The following TBC1D5 variants were observed in gnomAD, a reference collection of about 807,000 sequenced individuals.
TBC1D5 encodes the protein TBC1 domain family, member 5.
A neutral mutation model predicts 100.3 loss-of-function variants in TBC1D5; 75 were observed. The observed-to-expected ratio is 0.75, with a 90% CI of 0.62 to 0.91. The LOEUF (loss-of-function observed/expected upper bound fraction) is 0.91. Among genes scored for constraint, TBC1D5 ranks in the 40% least tolerant of loss-of-function variants. The pLI, the probability that TBC1D5 is intolerant of heterozygous loss-of-function variation, is 0.00. For synonymous variants in TBC1D5, 323 were observed against 325.6 expected (o/e 0.99, Z 0.09); for missense variants, 910 against 942.4 (o/e 0.97, Z 0.45).
intron 18 of TBC1D5, among the ~76,000 whole-genome samples, chr3:17,205,991 T>A (rs547983836): frequency 1.3e-5 from 2 of 152,146 alleles, no homozygotes; most frequent in Non-Finnish European, 2.9e-5. Flanking sequence ...TTCTCTTATT[T>A]TTACCCAAAG....
At chr3:17,313,866 T>C (rs1472628822) in intron 13 of TBC1D5, among the ~76,000 whole-genome samples, 1 of 152,222 alleles carries the variant, frequency 6.6e-6, no homozygotes, top group Non-Finnish European at 1.5e-5. Context: ...TGGGTACCTA[T>C]TAAGAGAGTC....
At chr3:17,429,680 T>C (rs1274450445) in intron 3 of TBC1D5, among the ~76,000 whole-genome samples, 2 of 151,942 alleles carry the variant, frequency 1.3e-5, no homozygotes, top group African/African-American at 4.8e-5. Context: ...TCTAAGGTAC[T>C]ATACTTATAT....
chr3:17,534,667 A>G (rs1297323609), intron 2 of TBC1D5, among the ~76,000 whole-genome samples: 1 of 152,204 alleles, frequency 6.6e-6, no homozygotes, highest in East Asian at 1.9e-4. Flanking sequence ...TTACAAGTGT[A>G]AGAATCCAAT....
chr3:17,338,082 C>T (rs1221919030), intron 13 of TBC1D5, among the ~76,000 whole-genome samples: 1 of 152,098 alleles, frequency 6.6e-6, no homozygotes, highest in African/African-American at 2.4e-5. Flanking sequence ...ATAAAACAAA[C>T]TGAATAACAC....
At chr3:17,418,262 G>A (rs890917380) in intron 4 of TBC1D5, among the ~76,000 whole-genome samples, 17 of 152,010 alleles carry the variant, frequency 1.1e-4, no homozygotes, top group Admixed American at 3.9e-4. Flanking sequence ...TTAATTTTGT[G>A]TGATTTAAAG....
In TBC1D5 at chr3:17,428,565, T is replaced by G. The variant is rs903911067; in HGVS notation, c.98-46A>C. 7.3e-6 allele frequency: 8 copies of G among 1,099,176 alleles called. No individual in the cohort carries two copies. The African/African-American group carries it at 1.3e-4, about 18-fold the overall frequency. The allele number at this position is 1,099,176 out of a possible 1,614,324, so 68.1% of individuals were successfully genotyped here. A position where few individuals can be genotyped will look rare whatever the true frequency, so the allele number is the denominator to read the frequency against. ...ACTGAAATAATGGAGATAAACTGAA[T>G]ATTTCAGTTGAAAAACTGTGTGAAA... On this transcript the variant is annotated intron_variant, in intron 3 of 21. Transcript: ENST00000253692.
At chr3:17,527,555 A>T (rs2096154570) in intron 2 of TBC1D5, among the ~76,000 whole-genome samples, 1 of 152,236 alleles carries the variant, frequency 6.6e-6, no homozygotes, top group Admixed American at 6.5e-5. Context: ...GATCAAAAGC[A>T]CTGACTACTT....
chr3:17,595,058 C>G (rs972620817), intron 2 of TBC1D5, among the ~76,000 whole-genome samples: 1 of 152,134 alleles, frequency 6.6e-6, no homozygotes, highest in Non-Finnish European at 1.5e-5. Context: ...AAAAGAGAGA[C>G]TGGCCTAGCC....
intron 3 of TBC1D5, among the ~76,000 whole-genome samples, chr3:17,475,159 C>T (rs1203853806): frequency 1.3e-5 from 2 of 151,774 alleles, no homozygotes; most frequent in African/African-American, 2.4e-5. Context: ...TAAGAGTATC[C>T]GGTGGTTCTA....
intron 4 of TBC1D5, among the ~76,000 whole-genome samples, chr3:17,417,210 C>CT (rs1431589000): frequency 6.6e-6 from 1 of 151,764 alleles, no homozygotes; most frequent in African/African-American, 2.4e-5. Context: ...TATTATTATA[C>CT]TTTAAGTTTT....
intron 3 of TBC1D5, among the ~76,000 whole-genome samples, chr3:17,507,386 T>A (rs1405061556): frequency 6.6e-6 from 1 of 152,166 alleles, no homozygotes. Flanking sequence ...AAAAATAAGC[T>A]GGACAAATTC....
intron 13 of TBC1D5, among the ~76,000 whole-genome samples, chr3:17,365,272 T>C (rs2092033666): frequency 6.6e-6 from 1 of 152,218 alleles, no homozygotes; most frequent in African/African-American, 2.4e-5. Flanking sequence ...AGCATATTTT[T>C]ATCTAGAAAG....
At chr3:17,690,318 G>A (rs1477935671) in intron 1 of TBC1D5, among the ~76,000 whole-genome samples, 2 of 56,486 alleles carry the variant, frequency 3.5e-5, no homozygotes, top group African/African-American at 5.9e-5. Context: ...CCGGGTTCAC[G>A]CCATTCTCCC....
intron 19 of TBC1D5, among the ~76,000 whole-genome samples, chr3:17,179,343 C>A (rs1328697878): frequency 6.6e-6 from 1 of 152,108 alleles, no homozygotes; most frequent in Non-Finnish European, 1.5e-5. Context: ...CAAAGATATT[C>A]ATTGAAAGTT....
chr3:17,181,539 G>A (rs2125438681), intron 19 of TBC1D5, among the ~76,000 whole-genome samples: 1 of 152,330 alleles, frequency 6.6e-6, no homozygotes, highest in East Asian at 1.9e-4. Flanking sequence ...TCATAAGCAG[G>A]CTGAGTTAAG....
intron 4 of TBC1D5, among the ~76,000 whole-genome samples, chr3:17,427,093 C>G (rs1382130136): frequency 6.6e-6 from 1 of 151,926 alleles, no homozygotes; most frequent in African/African-American, 2.4e-5. Context: ...ATGCCAAATA[C>G]AAGCTTTATA....
At position 17,200,143 on chromosome 3, in the gene TBC1D5, G is replaced by C. The variant is rs151219780; in HGVS notation, c.1752+14064C>G. ...TTAGGATTTAACATAAGGCCAATTT[G>C]TTCTTGGCTTATTATAAACACTATA... On this transcript the variant is annotated intron_variant, in intron 18 of 21. Transcript: ENST00000253692. Among the ~76,000 whole-genome samples the C allele has an allele frequency of 3.1e-3, 474 of 152,208 alleles. 2 individuals carry two copies. The highest frequency in any genetic ancestry group is 0.01 in the African/African-American group (418 of 41,528).
At chr3:17,188,127 C>G (rs765313965) in intron 18 of TBC1D5, among the ~76,000 whole-genome samples, 1 of 152,160 alleles carries the variant, frequency 6.6e-6, no homozygotes, top group African/African-American at 2.4e-5. Flanking sequence ...GCCTCTTTCT[C>G]AAAACATTTT....
At chr3:17,445,240 CAATGGCTAAATCAGGCCAAT>C (rs1211051188) in intron 3 of TBC1D5, among the ~76,000 whole-genome samples, 1 of 152,084 alleles carries the variant, frequency 6.6e-6, no homozygotes, top group Non-Finnish European at 1.5e-5. Context: ...TAGTCAATTA[CAATGGCTAAATCAGGCCAAT>C]AATGGCCTCT....
Sources: gnomAD v4.1 joint callset for allele counts (sites outside exome capture counted in the v4.1 genomes callset) on GRCh38, gnomAD v4.1.1 for gene constraint, MANE v1.5 for transcripts, NCBI Gene and HGNC (gene_info 2026-07-23, HGNC 2026-07-21) for gene names.